GAP43: variants seen among roughly 807,000 people sequenced by gnomAD.
GAP43 encodes the protein neuromodulin.
GAP43 carries 6 observed loss-of-function variants against 18.6 expected under a neutral mutation model. That is an observed-to-expected ratio of 0.32 (90% CI 0.18 to 0.64). GAP43 has a LOEUF of 0.64. GAP43 is among the 30% of genes least tolerant of loss of function. GAP43 has a pLI of 0.78. For missense variants in GAP43, 292 were observed against 295.5 expected, an observed-to-expected ratio of 0.99 and a Z score of 0.09; for synonymous variants, 115 against 111.4, an observed-to-expected ratio of 1.03 and a Z score of -0.20.
chr3:115,676,762 G>A, intron 2 of GAP43, 152 bp downstream of exon 2: 2 of 829,962 alleles, frequency 2.4e-6, no homozygotes, highest in Non-Finnish European at 3.6e-6. Context: ...TCCCAAAGTG[G>A]CAGGACTAAG....
At chr3:115,667,120 A>G (rs973659087) in intron 1 of GAP43, among the ~76,000 whole-genome samples, 1 of 152,164 alleles carries the variant, frequency 6.6e-6, no homozygotes, top group Non-Finnish European at 1.5e-5. Context: ...GCAACAACTA[A>G]AAATAACATT....
At chr3:115,649,377 G>T (rs1708496382) in intron 1 of GAP43, among the ~76,000 whole-genome samples, 2 of 152,080 alleles carry the variant, frequency 1.3e-5, no homozygotes, top group Admixed American at 1.3e-4. Context: ...ATTTTGAAAA[G>T]ACACAAACAT....
chr3:115,712,992 G>A (rs1709459929), intron 2 of GAP43, among the ~76,000 whole-genome samples: 1 of 152,144 alleles, frequency 6.6e-6, no homozygotes. Context: ...GAAATATACT[G>A]GCTCAGTGTT....
intron 2 of GAP43, among the ~76,000 whole-genome samples, chr3:115,710,670 G>A (rs1053050196): frequency 6.6e-6 from 1 of 152,086 alleles, no homozygotes; most frequent in African/African-American, 2.4e-5. Flanking sequence ...TCTCTTGCTT[G>A]TGTCCATGGT....
At chr3:115,698,098 TAATATATAAAATATATAA>T (rs1709229285) in intron 2 of GAP43, among the ~76,000 whole-genome samples, 1 of 50,104 alleles carries the variant, frequency 2.0e-5, no homozygotes, top group Non-Finnish European at 3.7e-5. Context: ...GTATTATATA[TAATATATAAAATATATAA>T]TATATATTAT....
At chr3:115,683,147 G>GTGCGCGCACA (rs1708983101) in intron 2 of GAP43, among the ~76,000 whole-genome samples, 7 of 127,446 alleles carry the variant, frequency 5.5e-5, no homozygotes, top group Admixed American at 1.6e-4. Context: ...GCGCGCGCGC[G>GTGCGCGCACA]CACACACACA....
intron 2 of GAP43, among the ~76,000 whole-genome samples, chr3:115,689,363 T>G (rs1200113109): frequency 6.6e-6 from 1 of 152,212 alleles, no homozygotes; most frequent in Non-Finnish European, 1.5e-5. Context: ...GCACAGCACA[T>G]AGAAGGCTCT....
chr3:115,663,716 C>CTG (rs1163581257), intron 1 of GAP43: 2 of 1,514,464 alleles, frequency 1.3e-6, no homozygotes, highest in Non-Finnish European at 1.8e-6. Flanking sequence ...TAAAATTGGA[C>CTG]TGACAGCTCT....
intron 1 of GAP43, among the ~76,000 whole-genome samples, chr3:115,660,477 C>G (rs999175189): frequency 3.3e-5 from 5 of 152,168 alleles, no homozygotes; most frequent in African/African-American, 1.2e-4. Flanking sequence ...AATGTACAGA[C>G]AAAGAAACAG....
chr3:115,652,164 C>G (rs1302947946), intron 1 of GAP43, among the ~76,000 whole-genome samples: 2 of 152,068 alleles, frequency 1.3e-5, no homozygotes, highest in African/African-American at 4.8e-5. Context: ...TCCCCAAAAT[C>G]CATCTTTCCC....
chr3:115,641,787 T>G (rs1469833450), intron 1 of GAP43, among the ~76,000 whole-genome samples: 1 of 152,114 alleles, frequency 6.6e-6, no homozygotes, highest in Non-Finnish European at 1.5e-5. Flanking sequence ...GTTTTTCTTT[T>G]ATCTTGTATT....
At chr3:115,640,978 CCTT>C (rs1464806708) in intron 1 of GAP43, among the ~76,000 whole-genome samples, 1 of 146,596 alleles carries the variant, frequency 6.8e-6, no homozygotes, top group Non-Finnish European at 1.5e-5. Flanking sequence ...TTCCTTCCTT[CCTT>C]CTTCTTTCTT....
At chr3:115,660,331 T>G (rs1305034078) in intron 1 of GAP43, among the ~76,000 whole-genome samples, 1 of 152,216 alleles carries the variant, frequency 6.6e-6, no homozygotes, top group Non-Finnish European at 1.5e-5. Flanking sequence ...CCATTCCAGA[T>G]ACTAGAATAA....
chr3:115,626,531 T>G (rs1467809925), intron 1 of GAP43, among the ~76,000 whole-genome samples: 1 of 152,124 alleles, frequency 6.6e-6, no homozygotes, highest in Non-Finnish European at 1.5e-5. Flanking sequence ...AGGAATAAAA[T>G]AAAATAATCC....
At chr3:115,663,843 T>A (rs1266389660) in intron 1 of GAP43, 49 of 1,551,928 alleles carry the variant, frequency 3.2e-5, no homozygotes, top group Non-Finnish European at 3.7e-5. Flanking sequence ...CTGGGAGGCT[T>A]GAGGAAAAAT....
intron 1 of GAP43, among the ~76,000 whole-genome samples, chr3:115,627,859 C>T (rs1708210238): frequency 1.3e-5 from 2 of 152,108 alleles, no homozygotes; most frequent in African/African-American, 4.8e-5. Flanking sequence ...ATCTTCATAA[C>T]ATTTTCAGAA....
intron 1 of GAP43, among the ~76,000 whole-genome samples, chr3:115,666,722 A>G (rs1394522801): frequency 6.6e-6 from 1 of 152,168 alleles, no homozygotes; most frequent in Admixed American, 6.5e-5. Context: ...CTGGAATTCA[A>G]ACTTACACAT....
intron 1 of GAP43, among the ~76,000 whole-genome samples, chr3:115,668,846 C>T (rs1226419190): frequency 6.6e-6 from 1 of 152,026 alleles, no homozygotes; most frequent in Non-Finnish European, 1.5e-5. Context: ...TGAGACCAGC[C>T]TGGGTAATAT....
At chr3:115,643,715 T>C (rs1412681197) in intron 1 of GAP43, among the ~76,000 whole-genome samples, 1 of 151,928 alleles carries the variant, frequency 6.6e-6, no homozygotes, top group Non-Finnish European at 1.5e-5. Context: ...TCCTTATCTG[T>C]CCCCTTTTGT....
Sources: gnomAD v4.1 joint callset for allele counts (sites outside exome capture counted in the v4.1 genomes callset) on GRCh38, gnomAD v4.1.1 for gene constraint, MANE v1.5 for transcripts, NCBI Gene and HGNC (gene_info 2026-07-23, HGNC 2026-07-21) for gene names.